TRPC1: variants seen among roughly 807,000 people sequenced by gnomAD.
TRPC1 encodes the protein transient receptor potential cation channel subfamily C member 1, also known as short transient receptor potential channel 1.
A neutral mutation model predicts 88.2 loss-of-function variants in TRPC1; 42 were observed. The observed-to-expected ratio is 0.48, with a 90% CI of 0.37 to 0.62. TRPC1 has a LOEUF of 0.62. TRPC1 is among the 20% of genes least tolerant of loss of function. TRPC1 has a pLI of 0.00. For synonymous variants in TRPC1, 288 were observed against 331.8 expected (o/e 0.87, Z 1.43); for missense variants, 699 against 957.3 (o/e 0.73, Z 3.56).
intron 4 of TRPC1, among the ~76,000 whole-genome samples, chr3:142,773,008 A>G (rs1382526736): frequency 6.6e-6 from 1 of 152,104 alleles, no homozygotes; most frequent in Non-Finnish European, 1.5e-5. Context: ...GACACTAGTC[A>G]TATTAGATTT....
chr3:142,783,924 A>C (rs1936044362), intron 6 of TRPC1, among the ~76,000 whole-genome samples: 1 of 152,174 alleles, frequency 6.6e-6, no homozygotes, highest in African/African-American at 2.4e-5. Context: ...TTGCCTATGA[A>C]ATTTGTCAAC....
chr3:142,755,448 C>A (rs1044164095), intron 4 of TRPC1, among the ~76,000 whole-genome samples: 2 of 151,988 alleles, frequency 1.3e-5, no homozygotes, highest in Non-Finnish European at 2.9e-5. Context: ...AGAAATGTGG[C>A]TCTTCGCTAC....
At chr3:142,734,037 C>T (rs896176497) in intron 1 of TRPC1, among the ~76,000 whole-genome samples, 1 of 152,140 alleles carries the variant, frequency 6.6e-6, no homozygotes, top group African/African-American at 2.4e-5. Flanking sequence ...ACTGTACCTT[C>T]AGCAAAGAGG....
At chr3:142,780,757 A>C in intron 5 of TRPC1, 77 bp from the exon 6 acceptor site, 11 of 1,351,512 alleles carry the variant, frequency 8.1e-6, no homozygotes, top group Non-Finnish European at 1.1e-5. Context: ...GTTGCTGAGT[A>C]AAAACGTTTT....
intron 2 of TRPC1, among the ~76,000 whole-genome samples, chr3:142,739,388 C>A (rs935506884): frequency 1.3e-5 from 2 of 152,132 alleles, no homozygotes; most frequent in African/African-American, 4.8e-5. Context: ...TAGGTTCTGG[C>A]TCCAGAATCT....
In TRPC1 at chr3:142,779,059, G is replaced by C. The variant is rs1935874741; in HGVS notation, c.764+1296G>C. ...ACTTCCTATTGTAACCTCATAATTT[G>C]AGTCTGAGTTATATAAAATAAAACT... On this transcript the variant is annotated intron_variant, in intron 5 of 12. Coordinates refer to ENST00000476941, the MANE Select transcript of TRPC1 (RefSeq NM_001251845.2). Among the ~76,000 whole-genome samples the C allele has an allele frequency of 2.0e-5, 3 of 152,064 alleles. No homozygotes were observed. The South Asian group carries it at 6.2e-4, about 32-fold the overall frequency.
chr3:142,735,950 ACT>A (rs970765500), intron 1 of TRPC1, among the ~76,000 whole-genome samples: 12 of 151,808 alleles, frequency 7.9e-5, no homozygotes, highest in Non-Finnish European at 1.8e-4. Context: ...CTCATTTTTA[ACT>A]CTATGTTATG....
At chr3:142,734,688 A>G (rs1934053569) in intron 1 of TRPC1, among the ~76,000 whole-genome samples, 1 of 152,150 alleles carries the variant, frequency 6.6e-6, no homozygotes, top group Non-Finnish European at 1.5e-5. Context: ...CTATAATCCC[A>G]GCACTTTTGG....
At chr3:142,746,740 A>G (rs1462208189) in intron 3 of TRPC1, among the ~76,000 whole-genome samples, 7 of 152,114 alleles carry the variant, frequency 4.6e-5, no homozygotes, top group Admixed American at 1.3e-4. Context: ...TATTAAAAGG[A>G]CTTTAACAAT....
intron 4 of TRPC1, among the ~76,000 whole-genome samples, chr3:142,748,700 G>A (rs1934645144): frequency 6.6e-6 from 1 of 152,192 alleles, no homozygotes; most frequent in South Asian, 2.1e-4. Flanking sequence ...TCATACTCCT[G>A]CTGGCAGGGG....
intron 4 of TRPC1, among the ~76,000 whole-genome samples, chr3:142,765,725 G>A (rs1285982004): frequency 6.6e-6 from 1 of 151,906 alleles, no homozygotes; most frequent in Non-Finnish European, 1.5e-5. Context: ...TTGACAAGTG[G>A]GACCTAATTA....
chr3:142,724,586 G>T lies in TRPC1; in HGVS notation c.27G>T (p.Thr9=), dbSNP rs568473277. MMAALYPS[T]DLSGASSSSL... is the part of the protein sequence containing the mutation. The stretch of plus-strand genomic sequence containing the variant: ...TGATGGCGGCCCTGTACCCGAGCAC[G>T]GACCTCTCGGGCGCCTCCTCCTCCT... Residue 9 remains threonine (T), a synonymous_variant, in exon 1 of 13, where the codon ACG becomes ACT. Coordinates refer to ENST00000476941, the MANE Select transcript of TRPC1 (RefSeq NM_001251845.2). The surrounding 1 kb of genome is among the most constrained non-coding windows in gnomAD (Gnocchi z 5.6). 2 of 1,591,726 alleles carry T rather than the reference G, an allele frequency of 1.3e-6. No homozygotes were observed. The highest frequency in any genetic ancestry group is 2.3e-5 in the South Asian group (2 of 88,364).
Position 142,724,436 on chromosome 3 carries a change from C to A in TRPC1, c.-124C>A. 1 of 970,650 alleles carries A rather than the reference C, an allele frequency of 1.0e-6. No homozygotes were observed. The highest frequency in any genetic ancestry group is 1.4e-6 in the Non-Finnish European group (1 of 703,260). 60.1% of individuals were successfully genotyped at this position (970,650 alleles called of 1,614,324 possible). ...CCTTCGGGGCCAACGGGCCTCGAGCCGAGGCAGCAGTGGGAACGACTCATC... is the reference window on the plus strand; with the variant it reads ...CCTTCGGGGCCAACGGGCCTCGAGCAGAGGCAGCAGTGGGAACGACTCATC... On this transcript the variant is annotated 5_prime_UTR_variant, in exon 1 of 13. Transcript: ENST00000476941. The surrounding 1 kb of genome is among the most constrained non-coding windows in gnomAD (Gnocchi z 5.6).
chr3:142,805,321 A>G (rs1936763763), intron 12 of TRPC1, among the ~76,000 whole-genome samples: 2 of 152,126 alleles, frequency 1.3e-5, no homozygotes, highest in South Asian at 4.1e-4. Context: ...GACTACTAGA[A>G]TCAGCTCATA....
chr3:142,787,658 C>T (rs1936172925), intron 7 of TRPC1, among the ~76,000 whole-genome samples: 1 of 152,118 alleles, frequency 6.6e-6, no homozygotes, highest in Non-Finnish European at 1.5e-5. Context: ...GGCCCATACA[C>T]TCGTGAAGCT....
At position 142,791,147 on chromosome 3, in the gene TRPC1, G is replaced by T. The variant is rs1336050980; in HGVS notation, c.1426G>T (p.Ala476Ser). ...YLATFALKVV[A>S]HNKFHDFADR... is the part of the protein sequence containing the mutation. ...GGCAACCTTTGCCCTCAAAGTGGTT[G>T]CTCACAACAAGGTGACTATTTACTA... Residue 476 changes from alanine (A) to serine (S), a missense_variant, in exon 8 of 13, where the codon GCT (alanine) becomes TCT (serine). Around this residue, in one of 4 missense-constraint regions of TRPC1, gnomAD observed 426 missense variants for 641.3 expected, o/e 0.66. Transcript: ENST00000476941. 6.2e-7 allele frequency: 1 copy of T among 1,603,164 alleles called. No individual in the cohort carries two copies. The highest frequency in any genetic ancestry group is 1.1e-5 in the South Asian group (1 of 88,170).
At position 142,784,859 on chromosome 3, in the gene TRPC1, C is replaced by A. The variant is rs772923487; in HGVS notation, c.1116C>A (p.Pro372=). The change falls in exon 7 of 13, where the codon CCC becomes CCA. Residue 372 remains proline, a synonymous_variant. Transcript: ENST00000476941. ...TGTCACTTTGTTATTTGATAGCTCC[C>A]AAATCTCAGTTTGGCAGAATCATTC... is the stretch of plus-strand genomic sequence containing the variant. ...PVLSLCYLIA[P]KSQFGRIIHT... The A allele has an allele frequency of 6.8e-6, 11 of 1,613,974 alleles. No homozygotes were observed. The South Asian group carries it at 1.2e-4, about 18-fold the overall frequency.
chr3:142,783,725 G>A (rs1370432922), intron 6 of TRPC1, among the ~76,000 whole-genome samples: 3 of 152,126 alleles, frequency 2.0e-5, no homozygotes, highest in Non-Finnish European at 4.4e-5. Context: ...TCACTACAGT[G>A]TTAATTCTAC....
intron 5 of TRPC1, among the ~76,000 whole-genome samples, chr3:142,777,983 A>T (rs1237354329): frequency 1.3e-5 from 2 of 152,122 alleles, no homozygotes; most frequent in Non-Finnish European, 2.9e-5. Context: ...CACCCTATAA[A>T]CACCTTTAAT....
Sources: allele counts gnomAD v4.1 joint callset (sites outside exome capture counted in the v4.1 genomes callset), GRCh38; gene constraint gnomAD v4.1.1; regional missense constraint gnomAD v4.1.1; non-coding constraint Gnocchi (gnomAD v3.1); transcripts MANE v1.5; gene names NCBI Gene and HGNC (gene_info 2026-07-23, HGNC 2026-07-21).